Variants in PCDHGA9 observed in about 807,000 individuals in gnomAD.
PCDHGA9 encodes protocadherin gamma-A9.
In PCDHGA9, 37 loss-of-function variants were observed where a neutral mutation model predicts 62.5. That is an observed-to-expected ratio of 0.59 (90% CI 0.46 to 0.78). PCDHGA9 has a LOEUF of 0.78. Ranked by LOEUF, PCDHGA9 falls within the 30% of genes least tolerant of loss-of-function variation. The pLI is 0.00. For synonymous variants in PCDHGA9, 459 were observed against 484.6 expected, an observed-to-expected ratio of 0.95 and a Z score of 0.69; for missense variants, 1,138 against 1,166.2, an observed-to-expected ratio of 0.98 and a Z score of 0.35.
Position 141,491,048 on chromosome 5 carries a change from C to T in PCDHGA9, c.2425-3759C>T, listed in dbSNP as rs755163825. The T allele has an allele frequency of 7.4e-6, 12 of 1,613,948 alleles. No individual in the cohort carries two copies. Among genetic ancestry groups the T allele is most frequent in the South Asian group, 4.4e-5 (4 of 91,090 alleles). ...GTGGATGCTGATGCAGGCCACAATG[C>T]GTGGCTCTCCTACTCACTGTTGCCA... On this transcript the variant is annotated intron_variant, in intron 1 of 3. Coordinates refer to ENST00000573521, the MANE Select transcript of PCDHGA9 (RefSeq NM_018921.3). The surrounding 1 kb of genome is among the most constrained non-coding windows in gnomAD (Gnocchi z 6.9).
At chr5:141,445,020 C>T (rs2098454249) in intron 1 of PCDHGA9, among the ~76,000 whole-genome samples, 1 of 152,130 alleles carries the variant, frequency 6.6e-6, no homozygotes, top group Non-Finnish European at 1.5e-5. Flanking sequence ...TTTAATTTCT[C>T]TCAGCTATGT....
intron 3 of PCDHGA9, 111 bp from the exon 4 acceptor site, chr5:141,510,836 G>C: frequency 6.3e-7 from 1 of 1,584,882 alleles, no homozygotes; most frequent in African/African-American, 1.3e-5. Flanking sequence ...TGCTCAGCGT[G>C]GTCAAGGCCC....
Position 141,510,946 on chromosome 5 carries a change from GA to G in PCDHGA9, c.2574del (p.Ala859LeufsTer17). The G allele has an allele frequency of 6.2e-7, 1 of 1,614,128 alleles. No homozygotes were observed. ...LQAMILASAS[E>X]AADGSSTLGG... ...CACCTGATCTTCCTCTGTCTCTGCA[GA>G]AGCTGCTGATGGGAGCTCCACCCTG... On this transcript the variant is annotated frameshift_variant and splice_region_variant, in exon 4 of 4. Coordinates refer to ENST00000573521, the MANE Select transcript of PCDHGA9 (RefSeq NM_018921.3). LOFTEE classifies it high-confidence loss of function.
At chr5:141,428,320 T>G in intron 1 of PCDHGA9, 2 of 650,176 alleles carry the variant, frequency 3.1e-6, no homozygotes, top group Non-Finnish European at 5.5e-6. Context: ...GGCCTTGGCC[T>G]TGATTTCTAT....
chr5:141,482,205 C>A (rs1478729653), intron 1 of PCDHGA9, among the ~76,000 whole-genome samples: 1 of 151,896 alleles, frequency 6.6e-6, no homozygotes, highest in Non-Finnish European at 1.5e-5. Context: ...TAAAACAGAC[C>A]AGGTACTTGT....
At chr5:141,509,032 A>G (rs2099873869) in intron 3 of PCDHGA9, among the ~76,000 whole-genome samples, 1 of 151,488 alleles carries the variant, frequency 6.6e-6, no homozygotes, top group African/African-American at 2.4e-5. Flanking sequence ...CTCCCACTCA[A>G]CCCCTCTCCC....
At chr5:141,441,615 G>A in intron 1 of PCDHGA9, 1 of 219,248 alleles carries the variant, frequency 4.6e-6, no homozygotes, top group Non-Finnish European at 9.2e-6. Context: ...TTCCATCGTG[G>A]CCAGTGACCT....
chr5:141,498,880 C>G (rs1334510457), intron 2 of PCDHGA9, among the ~76,000 whole-genome samples: 1 of 150,028 alleles, frequency 6.7e-6, no homozygotes, highest in African/African-American at 2.4e-5. Flanking sequence ...TTGCAGTGAG[C>G]TGAGATCACA....
At chr5:141,426,517 A>G (rs893782433) in intron 1 of PCDHGA9, 5 of 343,020 alleles carry the variant, frequency 1.5e-5, no homozygotes, top group African/African-American at 2.1e-5. Context: ...CTTTACCGTG[A>G]ACACGGAGAA....
chr5:141,404,363 A>G lies in PCDHGA9; in HGVS notation c.1411A>G (p.Ile471Val), dbSNP rs1459982001. Residue 471 changes from isoleucine to valine, a missense_variant, in exon 1 of 4, where the codon ATC (isoleucine) becomes GTC (valine). By Grantham distance (29) the Ile-to-Val change is conservative (BLOSUM62 3). Transcript: ENST00000573521. ...GGAAAACAACGCCAGAGGTACTTCC[A>G]TCTTCTCCGTGATTGCCTATGACCC... ...LPENNARGTSIFSVIAYDPDS... is the reference protein window; with the variant it reads ...LPENNARGTSVFSVIAYDPDS... 15 of 1,613,846 alleles carry G rather than the reference A, an allele frequency of 9.3e-6. No individual in the cohort carries two copies. Among genetic ancestry groups the G allele is most frequent in the African/African-American group, 1.3e-5 (1 of 74,922 alleles).
In PCDHGA9 at chr5:141,404,002, A is replaced by G; in HGVS notation, c.1050A>G (p.Thr350=). 1.2e-6 allele frequency: 2 copies of G among 1,613,928 alleles called. No individual in the cohort carries two copies. The highest frequency in any genetic ancestry group is 1.1e-5 in the South Asian group (1 of 91,078). Residue 350 remains threonine, a synonymous_variant, in exon 1 of 4, where the codon ACA becomes ACG. Coordinates refer to ENST00000573521, the MANE Select transcript of PCDHGA9 (RefSeq NM_018921.3). The stretch of plus-strand genomic sequence containing the variant: ...ACAATAGACCTGAAGTGACCATTAC[A>G]TCTCTGTTTAGCCCAGTGAGAGAAG... ...VNDNRPEVTI[T]SLFSPVREDA...
Position 141,487,686 on chromosome 5 carries a change from T to G in PCDHGA9, c.2425-7121T>G, listed in dbSNP as rs778973495. The G allele has an allele frequency of 4.4e-6, 7 of 1,605,914 alleles. 1 individual carries two copies. The African/African-American group carries it at 9.4e-5, about 21-fold the overall frequency. On this transcript the variant is annotated intron_variant, in intron 1 of 3. Coordinates refer to ENST00000573521, the MANE Select transcript of PCDHGA9 (RefSeq NM_018921.3). The surrounding 1 kb of genome is among the most constrained non-coding windows in gnomAD (Gnocchi z 5.0). Reference sequence around the variant, plus strand: ...CCAGGCATATGGCTAGGCCATGTCCTAGAGAGTACTGGCCTCTCAGTAAGT... The same window carrying G: ...CCAGGCATATGGCTAGGCCATGTCCGAGAGAGTACTGGCCTCTCAGTAAGT...
Position 141,486,319 on chromosome 5 carries a change from C to T in PCDHGA9, c.2425-8488C>T, listed in dbSNP as rs148184642. The T allele has an allele frequency of 1.7e-4, 268 of 1,614,058 alleles. No individual in the cohort carries two copies. The African/African-American group carries it at 1.7e-3, about 10-fold the overall frequency. Reference sequence around the variant, plus strand: ...TGCAGGATCCAGACTCAGGGTCAAACGGAGATGTGAGCCTCCGCATTCCTG... The same window carrying T: ...TGCAGGATCCAGACTCAGGGTCAAATGGAGATGTGAGCCTCCGCATTCCTG... On this transcript the variant is annotated intron_variant, in intron 1 of 3. Transcript: ENST00000573521. The surrounding 1 kb of genome is among the most constrained non-coding windows in gnomAD (Gnocchi z 5.0).
At chr5:141,417,646 C>A in intron 1 of PCDHGA9, 2 of 797,870 alleles carry the variant, frequency 2.5e-6, no homozygotes, top group Non-Finnish European at 3.8e-6. Context: ...GATCCCTCAG[C>A]CTCTAGCCTG....
chr5:141,447,119 A>AT (rs2098526425), intron 1 of PCDHGA9, among the ~76,000 whole-genome samples: 1 of 150,848 alleles, frequency 6.6e-6, no homozygotes, highest in South Asian at 2.1e-4. Flanking sequence ...TGCTCCATGG[A>AT]TTTTTTTGTT....
chr5:141,486,561 T>C lies in PCDHGA9; in HGVS notation c.2425-8246T>C. ...TTCTTTCAGAGGTCACATGAGGTGT[T>C]TGTTCCTGAGAACAATCGCCCAGGG... On this transcript the variant is annotated intron_variant, in intron 1 of 3. Transcript: ENST00000573521. This position sits in a 1 kb window ranked among gnomAD's most constrained non-coding sequence, Gnocchi z 5.0. 6.2e-7 allele frequency: 1 copy of C among 1,614,076 alleles called. No individual in the cohort carries two copies. Among genetic ancestry groups the C allele is most frequent in the Non-Finnish European group, 8.5e-7 (1 of 1,180,030 alleles).
In PCDHGA9 at chr5:141,485,778, G is replaced by A. The variant is rs575586552; in HGVS notation, c.2425-9029G>A. On this transcript the variant is annotated intron_variant, in intron 1 of 3. Coordinates refer to ENST00000573521, the MANE Select transcript of PCDHGA9 (RefSeq NM_018921.3). The surrounding 1 kb of genome is among the most constrained non-coding windows in gnomAD (Gnocchi z 5.7). ...CTGCTCCTGGAGAAGCCTTTGGATC[G>A]AGAGAAGCAATCGGACTACCGCCTG... is the stretch of plus-strand genomic sequence containing the variant. The A allele has an allele frequency of 1.2e-6, 2 of 1,614,216 alleles. No individual in the cohort carries two copies. Among genetic ancestry groups the A allele is most frequent in the Admixed American group, 1.7e-5 (1 of 60,028 alleles).
chr5:141,464,200 G>C (rs1331779739), intron 1 of PCDHGA9, among the ~76,000 whole-genome samples: 1 of 149,856 alleles, frequency 6.7e-6, no homozygotes, highest in Non-Finnish European at 1.5e-5. Flanking sequence ...AGGAGGCGGA[G>C]ATTGCAGTGA....
At chr5:141,421,025 A>C (rs1047305594) in intron 1 of PCDHGA9, 4 of 526,168 alleles carry the variant, frequency 7.6e-6, no homozygotes, top group African/African-American at 5.9e-5. Context: ...GCTGCGCGCC[A>C]TTGAGTCCCT....
Sources: gnomAD v4.1 joint callset for allele counts (sites outside exome capture counted in the v4.1 genomes callset) on GRCh38, gnomAD v4.1.1 for gene constraint, Gnocchi (gnomAD v3.1) non-coding constraint, MANE v1.5 for transcripts, NCBI Gene and HGNC (gene_info 2026-07-23, HGNC 2026-07-21) for gene names.